The following RASA1 variants were observed in gnomAD, a reference collection of about 807,000 sequenced individuals.
RASA1 encodes ras GTPase-activating protein 1.
Under a neutral mutation model 132.2 loss-of-function variants are expected in RASA1, and 25 were observed. That is an observed-to-expected ratio of 0.19 (90% confidence interval 0.14 to 0.26). The LOEUF (loss-of-function observed/expected upper bound fraction) is 0.26. Ranked by LOEUF, RASA1 falls within the 10% of genes least tolerant of loss-of-function variation. RASA1 has a pLI of 1.00. For missense variants in RASA1, 964 were observed against 1,299.2 expected, an observed-to-expected ratio of 0.74 and a Z score of 3.97; for synonymous variants, 477 against 449.9, an observed-to-expected ratio of 1.06 and a Z score of -0.76.
intron 1 of RASA1, among the ~76,000 whole-genome samples, chr5:87,289,107 TTTTA>T (rs1395957576): frequency 2.0e-5 from 3 of 152,194 alleles, no homozygotes; most frequent in African/African-American, 4.8e-5. Flanking sequence ...CCTTTTTGCT[TTTTA>T]TTTCTTTTGT....
At chr5:87,287,143 A>G (rs1215706125) in intron 1 of RASA1, among the ~76,000 whole-genome samples, 1 of 146,328 alleles carries the variant, frequency 6.8e-6, no homozygotes, top group Non-Finnish European at 1.5e-5. Context: ...ATATATATAC[A>G]CACCGTATAT....
chr5:87,317,160 G>A (rs1756404235), intron 1 of RASA1, among the ~76,000 whole-genome samples: 1 of 152,166 alleles, frequency 6.6e-6, no homozygotes, highest in African/African-American at 2.4e-5. Context: ...TGGGATTACA[G>A]GTGTGAGCCA....
chr5:87,287,682 A>G (rs1754699036), intron 1 of RASA1, among the ~76,000 whole-genome samples: 1 of 146,296 alleles, frequency 6.8e-6, no homozygotes, highest in Non-Finnish European at 1.5e-5. Context: ...ATATATGTAC[A>G]CGCCATAGAT....
intron 6 of RASA1, among the ~76,000 whole-genome samples, chr5:87,345,836 A>G (rs1372101556): frequency 1.3e-5 from 2 of 152,142 alleles, no homozygotes; most frequent in East Asian, 3.8e-4. Context: ...AGAAGATCCC[A>G]CAAAGTAGTA....
intron 9 of RASA1, among the ~76,000 whole-genome samples, chr5:87,360,475 T>C (rs943960702): frequency 2.6e-5 from 4 of 152,166 alleles, no homozygotes; most frequent in Non-Finnish European, 5.9e-5. Context: ...TGTCCATTGC[T>C]CCATAATTGT....
At chr5:87,283,632 A>C (rs1057279245) in intron 1 of RASA1, among the ~76,000 whole-genome samples, 5 of 152,094 alleles carry the variant, frequency 3.3e-5, no homozygotes, top group Admixed American at 3.3e-4. Flanking sequence ...CCCTAAATAT[A>C]ATTATAGCTA....
chr5:87,297,174 G>A (rs2112277382), intron 1 of RASA1, among the ~76,000 whole-genome samples: 1 of 152,056 alleles, frequency 6.6e-6, no homozygotes, highest in South Asian at 2.1e-4. Flanking sequence ...TTTGCATATT[G>A]TCTACCTTTT....
intron 1 of RASA1, chr5:87,294,079 T>TGTAA: frequency 6.6e-6 from 1 of 152,232 alleles, no homozygotes; most frequent in Non-Finnish European, 1.5e-5. Context: ...TGATTTTTGC[T>TGTAA]GTAATTTCTA....
intron 1 of RASA1, among the ~76,000 whole-genome samples, chr5:87,288,313 A>G (rs183573062): frequency 1.3e-5 from 2 of 152,018 alleles, no homozygotes; most frequent in Admixed American, 1.3e-4. Context: ...CAGCTGGGAC[A>G]TTCTTGAAGT....
Position 87,377,012 on chromosome 5 carries a change from A to C in RASA1, c.2316A>C (p.Thr772=). The C allele has an allele frequency of 6.2e-7, 1 of 1,613,882 alleles. No individual in the cohort carries two copies. Among genetic ancestry groups the C allele is most frequent in the African/African-American group, 1.3e-5 (1 of 75,058 alleles). The change falls in exon 17 of 25, where the codon ACA becomes ACC. Residue 772 remains threonine, a synonymous_variant. Transcript: ENST00000274376. ...AGCTTGAATCGTTGTTGTTATGCAC[A>C]CTAAATGACAGAGAAATAAGCATGG... ...HEKLESLLLC[T]LNDREISMED... is the part of the protein sequence containing the mutation.
chr5:87,384,802 T>G (rs1761954585), intron 21 of RASA1, among the ~76,000 whole-genome samples: 1 of 152,136 alleles, frequency 6.6e-6, no homozygotes, highest in Non-Finnish European at 1.5e-5. Context: ...TTATTAAATT[T>G]CATGTTTTTC....
intron 8 of RASA1, among the ~76,000 whole-genome samples, chr5:87,352,815 T>A (rs1032088558): frequency 2.6e-5 from 4 of 151,888 alleles, no homozygotes; most frequent in African/African-American, 9.7e-5. Context: ...TCTTAGTATC[T>A]CATATATACT....
rs560860349 is a variant in RASA1, at chr5:87,315,131, A to G, written c.540-16217A>G. 1.6e-4 allele frequency among the ~76,000 whole-genome samples: 24 copies of G among 152,364 alleles called. No individual in the cohort carries two copies. The South Asian group carries it at 5.0e-3, about 32-fold the overall frequency. On this transcript the variant is annotated intron_variant, in intron 1 of 24. Coordinates refer to ENST00000274376, the MANE Select transcript of RASA1 (RefSeq NM_002890.3). ...TCATAAAGAAGTACAGAATTACAAC[A>G]CAGCTTCTATTAATGGCTAACAGGC...
Position 87,332,487 on chromosome 5 carries a change from A to T in RASA1, c.693-20A>T. 1 of 1,597,134 alleles carries T rather than the reference A, an allele frequency of 6.3e-7. No homozygotes were observed. The highest frequency in any genetic ancestry group is 8.6e-7 in the Non-Finnish European group (1 of 1,166,736). ...GGCTGTAAAGATTTTTTTATACTGT[A>T]TTTTTTCCTGTTCAAATAGGATTAT... On this transcript the variant is annotated intron_variant, in intron 2 of 24. Transcript: ENST00000274376.
intron 1 of RASA1, among the ~76,000 whole-genome samples, chr5:87,280,220 A>G (rs946128848): frequency 6.6e-6 from 1 of 152,116 alleles, no homozygotes; most frequent in African/African-American, 2.4e-5. Context: ...ACACCCAGAA[A>G]CAATGCTTCA....
At chr5:87,387,244 G>A (rs1380549309) in intron 23 of RASA1, among the ~76,000 whole-genome samples, 2 of 151,918 alleles carry the variant, frequency 1.3e-5, no homozygotes, top group Non-Finnish European at 2.9e-5. Flanking sequence ...TTACTTTGCT[G>A]CTACTATGTG....
intron 1 of RASA1, among the ~76,000 whole-genome samples, chr5:87,275,532 T>C (rs1754024889): frequency 6.6e-6 from 1 of 151,904 alleles, no homozygotes; most frequent in South Asian, 2.1e-4. Flanking sequence ...TTTCCCTCTC[T>C]CTTCCTACCC....
intron 1 of RASA1, among the ~76,000 whole-genome samples, chr5:87,281,243 C>T (rs1387031915): frequency 1.4e-5 from 2 of 140,294 alleles, no homozygotes; most frequent in Non-Finnish European, 3.1e-5. Flanking sequence ...CTTGCCAACA[C>T]TTTTTTTTTT....
Position 87,329,917 on chromosome 5 carries a change from C to A in RASA1, c.540-1431C>A, listed in dbSNP as rs1388656605. On this transcript the variant is annotated intron_variant, in intron 1 of 24. Transcript: ENST00000274376. ...ATTTACGATCTCTGGTGTAAACTTT[C>A]CATTTCAGATTTAAAAAGTCCCTGA... Among the ~76,000 whole-genome samples the A allele has an allele frequency of 4.6e-5, 7 of 152,196 alleles. No individual in the cohort carries two copies. In the East Asian group the frequency reaches 1.4e-3, roughly 29 times the overall value.
Sources: gnomAD v4.1 joint callset for allele counts (sites outside exome capture counted in the v4.1 genomes callset) on GRCh38, gnomAD v4.1.1 for gene constraint, MANE v1.5 for transcripts, NCBI Gene and HGNC (gene_info 2026-07-23, HGNC 2026-07-21) for gene names.